Variants in NFIA observed in about 807,000 individuals in gnomAD.
The protein encoded by NFIA is nuclear factor 1 A-type.
Under a neutral mutation model 62.8 loss-of-function variants are expected in NFIA, and 8 were observed. The observed-to-expected ratio is 0.13, with a 90% confidence interval of 0.07 to 0.23. NFIA has a LOEUF of 0.23. NFIA is among the 10% of genes least tolerant of loss of function. NFIA has a pLI of 1.00. For synonymous variants in NFIA, 235 were observed against 238.1 expected (o/e 0.99, Z 0.12); for missense variants, 410 against 642.1 (o/e 0.64, Z 3.91).
intron 2 of NFIA, among the ~76,000 whole-genome samples, chr1:61,273,005 A>G (rs1365068305): frequency 6.6e-6 from 1 of 152,160 alleles, no homozygotes; most frequent in Non-Finnish European, 1.5e-5. Context: ...CTTAGGCTAT[A>G]TTATTTTTCT....
chr1:61,322,993 A>T (rs562153870), intron 3 of NFIA, among the ~76,000 whole-genome samples: 10 of 152,324 alleles, frequency 6.6e-5, no homozygotes, highest in African/African-American at 2.4e-4. Flanking sequence ...GATGGCAAAA[A>T]CAAACAAAAA....
At chr1:61,208,350 A>ACTCT (rs1653030426) in intron 2 of NFIA, among the ~76,000 whole-genome samples, 1 of 152,178 alleles carries the variant, frequency 6.6e-6, no homozygotes, top group Admixed American at 6.5e-5. Flanking sequence ...AGGCAGAGTG[A>ACTCT]GCTCAGAAGA....
At chr1:61,410,468 G>A (rs1038773223) in intron 9 of NFIA, among the ~76,000 whole-genome samples, 3 of 152,124 alleles carry the variant, frequency 2.0e-5, no homozygotes, top group Non-Finnish European at 4.4e-5. Flanking sequence ...ATCATGACAG[G>A]GTATTCAGTA....
intron 3 of NFIA, among the ~76,000 whole-genome samples, chr1:61,313,695 A>AG (rs1349272764): frequency 6.6e-6 from 1 of 152,132 alleles, no homozygotes; most frequent in Non-Finnish European, 1.5e-5. Flanking sequence ...TCATTTGGTG[A>AG]GAAAAAAAAA....
chr1:61,413,873 G>A (rs190750315), intron 9 of NFIA, among the ~76,000 whole-genome samples: 4 of 151,962 alleles, frequency 2.6e-5, no homozygotes, highest in South Asian at 2.1e-4. Context: ...TGATCCACCC[G>A]CCTCAACCTC....
chr1:61,105,202 A>G (rs1646574704), intron 2 of NFIA, among the ~76,000 whole-genome samples: 1 of 152,022 alleles, frequency 6.6e-6, no homozygotes, highest in Non-Finnish European at 1.5e-5. Flanking sequence ...AGTTGTTTAT[A>G]AAGTATTAAG....
chr1:61,095,099 G>A lies in NFIA; in HGVS notation c.559+6419G>A, dbSNP rs886918799. ...ATAATTATGATAACTAGAGATTGAA[G>A]TGGAATAACTGTAATGTTCTTTGAG... On this transcript the variant is annotated intron_variant, in intron 2 of 10. Transcript: ENST00000403491. Among the ~76,000 whole-genome samples the A allele has an allele frequency of 1.3e-5, 2 of 152,238 alleles. 1 individual carries two copies. Among genetic ancestry groups the A allele is most frequent in the South Asian group, 4.1e-4 (2 of 4,832 alleles).
chr1:61,393,034 C>T (rs1437968517), intron 7 of NFIA, among the ~76,000 whole-genome samples: 2 of 151,818 alleles, frequency 1.3e-5, no homozygotes, highest in Admixed American at 6.6e-5. Context: ...TCTTAGAAAC[C>T]CCCTCATTTT....
At chr1:61,316,278 G>C (rs1464413194) in intron 3 of NFIA, among the ~76,000 whole-genome samples, 1 of 152,104 alleles carries the variant, frequency 6.6e-6, no homozygotes, top group African/African-American at 2.4e-5. Flanking sequence ...CATTTCAAAA[G>C]AATTGTAATA....
rs373212054 is a variant in NFIA, at chr1:61,447,800, G to A, written c.1513-7503G>A. Among the ~76,000 whole-genome samples the A allele has an allele frequency of 1.6e-4, 24 of 152,310 alleles. No homozygotes were observed. The East Asian group carries it at 3.7e-3, about 23-fold the overall frequency. ...ATTCCCTTTGAACTGCCGTGTCCAC[G>A]GGGGTCTCCGGCTCCCAGAGTCGTG... On this transcript the variant is annotated intron_variant, in intron 10 of 10. Transcript: ENST00000403491.
chr1:61,348,842 G>A (rs965667568), intron 4 of NFIA, among the ~76,000 whole-genome samples: 10 of 152,074 alleles, frequency 6.6e-5, no homozygotes, highest in South Asian at 4.1e-4. Context: ...GACAGTGTCC[G>A]CCATGCTCAG....
In NFIA at chr1:61,352,579, G is replaced by A. The variant is rs759980347; in HGVS notation, c.818+12G>A. Reference sequence around the variant, plus strand: ...ACATCCTCTACGAGGTAATTTTATTGGCAGCTCTTGAAGAAATTATGCTAC... The same window carrying A: ...ACATCCTCTACGAGGTAATTTTATTAGCAGCTCTTGAAGAAATTATGCTAC... On this transcript the variant is annotated intron_variant, in intron 5 of 10. Transcript: ENST00000403491. 6.9e-6 allele frequency: 11 copies of A among 1,587,924 alleles called. No homozygotes were observed. Among genetic ancestry groups the A allele is most frequent in the Non-Finnish European group, 7.8e-6 (9 of 1,156,432 alleles).
chr1:61,307,096 G>A (rs1659843092), intron 3 of NFIA, among the ~76,000 whole-genome samples: 2 of 152,166 alleles, frequency 1.3e-5, no homozygotes, highest in African/African-American at 2.4e-5. Context: ...GGGGATGGGA[G>A]CAGTGGCATG....
rs566059107 is a variant in NFIA, at chr1:61,130,443, A to C, written c.559+41763A>C. Among the ~76,000 whole-genome samples the C allele has an allele frequency of 2.0e-5, 3 of 152,364 alleles. 1 individual carries two copies. Among genetic ancestry groups the C allele is most frequent in the Admixed American group, 2.0e-4 (3 of 15,308 alleles). ...GGAGAGAAGTTGGTACTTGTACCCA[A>C]GGGAAGAGAAAGTTAATGAGTAGAA... is the stretch of plus-strand genomic sequence containing the variant. On this transcript the variant is annotated intron_variant, in intron 2 of 10. Coordinates refer to ENST00000403491, the MANE Select transcript of NFIA (RefSeq NM_001134673.4).
intron 2 of NFIA, among the ~76,000 whole-genome samples, chr1:61,143,633 T>C (rs1473245998): frequency 6.6e-6 from 1 of 152,186 alleles, no homozygotes; most frequent in African/African-American, 2.4e-5. Flanking sequence ...TCAAGTGATC[T>C]GCCCACCTTG....
intron 2 of NFIA, among the ~76,000 whole-genome samples, chr1:61,207,247 G>A (rs1032984982): frequency 3.3e-5 from 5 of 152,216 alleles, no homozygotes; most frequent in East Asian, 1.9e-4. Flanking sequence ...GGCATTTTAC[G>A]TTGACTGTTT....
chr1:61,170,318 C>G (rs900170679), intron 2 of NFIA, among the ~76,000 whole-genome samples: 13 of 152,216 alleles, frequency 8.5e-5, no homozygotes, highest in Non-Finnish European at 1.5e-4. Flanking sequence ...CACAGCTGCT[C>G]TGATCCACAG....
At chr1:61,323,587 A>G (rs1660785543) in intron 3 of NFIA, among the ~76,000 whole-genome samples, 2 of 152,206 alleles carry the variant, frequency 1.3e-5, no homozygotes, top group Admixed American at 1.3e-4. Flanking sequence ...TGGCAGAACA[A>G]TTTAAATAGT....
chr1:61,331,398 A>G (rs1229331108), intron 3 of NFIA, among the ~76,000 whole-genome samples: 1 of 152,180 alleles, frequency 6.6e-6, no homozygotes, highest in Admixed American at 6.5e-5. Flanking sequence ...TTATTGGTGG[A>G]TATGCAGTGC....
Sources: gnomAD v4.1 joint callset for allele counts (sites outside exome capture counted in the v4.1 genomes callset) on GRCh38, gnomAD v4.1.1 for gene constraint, MANE v1.5 for transcripts, NCBI Gene and HGNC (gene_info 2026-07-23, HGNC 2026-07-21) for gene names.